Variants in UNC13C observed in about 807,000 individuals in gnomAD.
UNC13C encodes the protein protein unc-13 homolog C.
A neutral mutation model predicts 245.4 loss-of-function variants in UNC13C; 174 were observed. The observed-to-expected ratio is 0.71, with a 90% CI of 0.63 to 0.80. UNC13C has a LOEUF of 0.80. Ranked by LOEUF, UNC13C falls within the 30% of genes least tolerant of loss-of-function variation. The probability of loss-of-function intolerance (pLI) is 0.00; values close to 1 mark genes in which losing one functional copy is unlikely to be tolerated. For missense variants in UNC13C, 2,829 were observed against 2,602.9 expected (o/e 1.09, Z -1.89); for synonymous variants, 992 against 895.1 (o/e 1.11, Z -1.93).
At chr15:54,522,008 C>G (rs1205963315) in intron 24 of UNC13C, among the ~76,000 whole-genome samples, 1 of 152,150 alleles carries the variant, frequency 6.6e-6, no homozygotes, top group East Asian at 1.9e-4. Context: ...ACTGCATACA[C>G]AGTTATAGTA....
the UNC13C span, among the ~76,000 whole-genome samples, chr15:53,933,843 A>T: frequency 6.6e-6 from 1 of 152,196 alleles, no homozygotes; most frequent in Non-Finnish European, 1.5e-5. Flanking sequence ...AATGCTCTGT[A>T]GAGAACTTCT....
intron 19 of UNC13C, among the ~76,000 whole-genome samples, chr15:54,465,585 G>T (rs1892122906): frequency 6.6e-6 from 1 of 151,998 alleles, no homozygotes; most frequent in Non-Finnish European, 1.5e-5. Flanking sequence ...GTAAAATGAT[G>T]ACTATGGCTG....
At chr15:54,494,577 T>C in intron 19 of UNC13C, 31 bp from the exon 20 acceptor site, 1 of 1,523,674 alleles carries the variant, frequency 6.6e-7, no homozygotes, top group Non-Finnish European at 8.8e-7. Flanking sequence ...CAAACCAAGC[T>C]TTATTAAATA....
At chr15:54,113,413 G>C (rs1315100606) in intron 2 of UNC13C, among the ~76,000 whole-genome samples, 1 of 152,172 alleles carries the variant, frequency 6.6e-6, no homozygotes, top group Non-Finnish European at 1.5e-5. Flanking sequence ...GTGGCAACTG[G>C]AACAAAGAAG....
the UNC13C span, among the ~76,000 whole-genome samples, chr15:53,868,004 A>AT: frequency 6.6e-6 from 1 of 152,092 alleles, no homozygotes; most frequent in Middle Eastern, 3.4e-3. Flanking sequence ...CTAATTAAAA[A>AT]AATATATATT....
chr15:53,924,223 CAAACAAA>C, the UNC13C span, among the ~76,000 whole-genome samples: 16 of 148,194 alleles, frequency 1.1e-4, no homozygotes, highest in East Asian at 3.1e-3. Context: ...ACAAAACAAA[CAAACAAA>C]AAACAAAAAC....
At chr15:54,473,126 G>C (rs758367412) in intron 19 of UNC13C, among the ~76,000 whole-genome samples, 1 of 151,672 alleles carries the variant, frequency 6.6e-6, no homozygotes, top group Non-Finnish European at 1.5e-5. Flanking sequence ...TTGGTTTTCT[G>C]TTCCTTCGTT....
At chr15:54,089,703 T>G (rs1899455732) in intron 2 of UNC13C, among the ~76,000 whole-genome samples, 1 of 151,730 alleles carries the variant, frequency 6.6e-6, no homozygotes, top group Non-Finnish European at 1.5e-5. Context: ...CCTTGCTGGT[T>G]GTGTGTTTGA....
At chr15:54,075,957 T>TA (rs1299514524) in intron 2 of UNC13C, among the ~76,000 whole-genome samples, 20 of 152,052 alleles carry the variant, frequency 1.3e-4, no homozygotes, top group Admixed American at 2.0e-4. Context: ...CAGATGAGGT[T>TA]ACTTAGTAAT....
At chr15:53,998,541 A>G (rs573384548) in intron 1 of UNC13C, among the ~76,000 whole-genome samples, 3 of 152,240 alleles carry the variant, frequency 2.0e-5, no homozygotes, top group African/African-American at 7.2e-5. Context: ...ATTTTCACAT[A>G]AATACTCATG....
At chr15:54,561,004 C>G (rs1332309951) in intron 29 of UNC13C, among the ~76,000 whole-genome samples, 1 of 151,974 alleles carries the variant, frequency 6.6e-6, no homozygotes, top group African/African-American at 2.4e-5. Flanking sequence ...CTACTGCAAC[C>G]AGTGTGTTTC....
the UNC13C span, among the ~76,000 whole-genome samples, chr15:53,871,429 T>TAA: frequency 6.6e-6 from 1 of 152,224 alleles, no homozygotes; most frequent in East Asian, 1.9e-4. Flanking sequence ...CCTCCCAGTC[T>TAA]AAGCTGGCTG....
intron 4 of UNC13C, among the ~76,000 whole-genome samples, chr15:54,219,336 C>G (rs932816062): frequency 7.1e-4 from 107 of 151,058 alleles, no homozygotes; most frequent in African/African-American, 2.6e-3. Context: ...CTGACAAAAA[C>G]AAGCAATGGG....
chr15:54,012,191 G>C (rs776198610), intron 1 of UNC13C, among the ~76,000 whole-genome samples: 1 of 152,124 alleles, frequency 6.6e-6, no homozygotes, highest in African/African-American at 2.4e-5. Context: ...TGAATCAAAA[G>C]AGGTTATATA....
the UNC13C span, among the ~76,000 whole-genome samples, chr15:53,957,099 T>C: frequency 6.6e-5 from 10 of 152,078 alleles, no homozygotes; most frequent in Non-Finnish European, 1.2e-4. Flanking sequence ...TATTATAACA[T>C]GCAAAGTGAG....
chr15:54,201,655 G>A (rs536853962), intron 4 of UNC13C, among the ~76,000 whole-genome samples: 1 of 151,842 alleles, frequency 6.6e-6, no homozygotes, highest in Non-Finnish European at 1.5e-5. Context: ...GTTATAGAAG[G>A]GACATATGTT....
At chr15:54,341,975 C>CA (rs56264981) in intron 17 of UNC13C, among the ~76,000 whole-genome samples, 33,065 of 126,424 alleles carry the variant, frequency 0.26, 4,497 homozygotes, top group Non-Finnish European at 0.33. Flanking sequence ...GACTCTGTCT[C>CA]AAAAAAAAAA....
chr15:54,070,770 T>C (rs1322890670), intron 2 of UNC13C, among the ~76,000 whole-genome samples: 2 of 152,130 alleles, frequency 1.3e-5, no homozygotes, highest in Non-Finnish European at 2.9e-5. Context: ...TGTGGCCTTG[T>C]GGATATTTGA....
chr15:53,893,021 G>A, the UNC13C span, among the ~76,000 whole-genome samples: 1 of 152,026 alleles, frequency 6.6e-6, no homozygotes, highest in Non-Finnish European at 1.5e-5. Context: ...TCTACCTTTG[G>A]TCTTTGATGT....
Sources: gnomAD v4.1 joint callset for allele counts (sites outside exome capture counted in the v4.1 genomes callset) on GRCh38, gnomAD v4.1.1 for gene constraint, MANE v1.5 for transcripts, NCBI Gene and HGNC (gene_info 2026-07-23, HGNC 2026-07-21) for gene names.